CDH4: variants seen among roughly 807,000 people sequenced by gnomAD.
CDH4 encodes the protein cadherin-4.
In CDH4, 33 loss-of-function variants were observed where a neutral mutation model predicts 86.0. The ratio of observed to expected loss-of-function variants is 0.38; its 90% CI spans 0.29 to 0.51. CDH4 has a LOEUF of 0.51. Among genes scored for constraint, CDH4 ranks in the 20% least tolerant of loss-of-function variants. The probability of loss-of-function intolerance (pLI) is 0.86; values close to 1 mark genes in which losing one functional copy is unlikely to be tolerated. For missense variants in CDH4, 1,114 were observed against 1,307.4 expected (o/e 0.85, Z 2.28); for synonymous variants, 555 against 549.4 (o/e 1.01, Z -0.14).
At chr20:61,875,937 AAC>A (rs34781850) in intron 7 of CDH4, among the ~76,000 whole-genome samples, 87,024 of 151,062 alleles carry the variant, frequency 0.58, 25,569 homozygotes, top group Non-Finnish European at 0.61. Context: ...GCGCTCCCCC[AAC>A]ACACACACAC....
At chr20:61,477,373 T>G (rs2085543561) in intron 2 of CDH4, among the ~76,000 whole-genome samples, 1 of 152,142 alleles carries the variant, frequency 6.6e-6, no homozygotes, top group African/African-American at 2.4e-5. Flanking sequence ...ACGATGATGG[T>G]CAGGAACATA....
chr20:61,390,359 G>A lies in CDH4; in HGVS notation c.169+135422G>A, dbSNP rs1406084592. On this transcript the variant is annotated intron_variant, in intron 2 of 15. Coordinates refer to ENST00000614565, the MANE Select transcript of CDH4 (RefSeq NM_001794.5). Reference sequence around the variant, plus strand: ...ACCATGTCTAGGAAACCCCGATTGGGTTCGTACAGTCATAGGTTGCCCATA... The same window carrying A: ...ACCATGTCTAGGAAACCCCGATTGGATTCGTACAGTCATAGGTTGCCCATA... 6.0e-4 allele frequency among the ~76,000 whole-genome samples: 78 copies of A among 130,196 alleles called. 1 individual carries two copies. Among genetic ancestry groups the A allele is most frequent in the Non-Finnish European group, 4.8e-5 (3 of 61,966 alleles). The allele number at this position is 130,196 out of a possible 152,430, so 85.4% of individuals were successfully genotyped here. A position where few individuals can be genotyped will look rare whatever the true frequency, so the allele number is the denominator to read the frequency against.
intron 2 of CDH4, among the ~76,000 whole-genome samples, chr20:61,486,004 G>T (rs975778347): frequency 4.6e-5 from 7 of 152,204 alleles, no homozygotes; most frequent in Admixed American, 2.6e-4. Context: ...TTACTGGATT[G>T]GGGTGCCAGA....
At chr20:61,595,617 T>C (rs376353587) in intron 2 of CDH4, among the ~76,000 whole-genome samples, 2 of 152,250 alleles carry the variant, frequency 1.3e-5, no homozygotes, top group East Asian at 3.8e-4. Flanking sequence ...AAAATGTTTT[T>C]GTTGATTCTT....
chr20:61,713,543 G>A (rs1056589992), intron 2 of CDH4, among the ~76,000 whole-genome samples: 4 of 152,232 alleles, frequency 2.6e-5, no homozygotes, highest in Admixed American at 2.0e-4. Flanking sequence ...ACGGAGAGCC[G>A]TCTCCTCTGC....
chr20:61,363,332 T>C (rs2123322775), intron 2 of CDH4, among the ~76,000 whole-genome samples: 1 of 152,282 alleles, frequency 6.6e-6, no homozygotes, highest in Non-Finnish European at 1.5e-5. Flanking sequence ...GTTTGGGGGA[T>C]ATAACGGCCA....
intron 2 of CDH4, among the ~76,000 whole-genome samples, chr20:61,701,960 G>A (rs1446103543): frequency 6.6e-6 from 1 of 152,170 alleles, no homozygotes; most frequent in African/African-American, 2.4e-5. Flanking sequence ...GTGAAGCCTC[G>A]TCCTCCTCCT....
At chr20:61,707,130 A>G (rs1478455304) in intron 2 of CDH4, among the ~76,000 whole-genome samples, 1 of 152,234 alleles carries the variant, frequency 6.6e-6, no homozygotes, top group Non-Finnish European at 1.5e-5. Flanking sequence ...CCATGTCTGG[A>G]CAGAGTGCCG....
intron 2 of CDH4, among the ~76,000 whole-genome samples, chr20:61,473,048 A>G (rs1006324780): frequency 2.6e-5 from 4 of 152,138 alleles, no homozygotes; most frequent in Non-Finnish European, 5.9e-5. Context: ...CCTGATTCCT[A>G]GTCTTTGCCA....
chr20:61,898,416 G>A (rs1647197163), intron 8 of CDH4, among the ~76,000 whole-genome samples: 2 of 152,240 alleles, frequency 1.3e-5, no homozygotes, highest in Non-Finnish European at 2.9e-5. Context: ...CAGCAGGTGA[G>A]CATGGGGTCT....
Position 61,582,451 on chromosome 20 carries a change from C to T in CDH4, c.170-161112C>T, listed in dbSNP as rs1459882880. On this transcript the variant is annotated intron_variant, in intron 2 of 15. Transcript: ENST00000614565. This position sits in a 1 kb window ranked among gnomAD's most constrained non-coding sequence, Gnocchi z 4.2. ...TCTCAGAACCATCCCATGTGCCTGT[C>T]CCTGTGGCCCTGGGCTCCAGGCTAA... Among the ~76,000 whole-genome samples the T allele has an allele frequency of 6.6e-6, 1 of 152,246 alleles. No homozygotes were observed. The highest frequency in any genetic ancestry group is 1.9e-4 in the East Asian group (1 of 5,188).
In CDH4 at chr20:61,695,531, G is replaced by A. The variant is rs910271186; in HGVS notation, c.170-48032G>A. 9.8e-5 allele frequency among the ~76,000 whole-genome samples: 15 copies of A among 152,304 alleles called. No individual in the cohort carries two copies. In the East Asian group the frequency reaches 1.4e-3, roughly 14 times the overall value. On this transcript the variant is annotated intron_variant, in intron 2 of 15. Transcript: ENST00000614565. ...GATCACCACAGAGAGGGCATGTCTCGCTCTGGGTCTAGCCACAGAGGAATC... is the reference window on the plus strand; with the variant it reads ...GATCACCACAGAGAGGGCATGTCTCACTCTGGGTCTAGCCACAGAGGAATC...
intron 4 of CDH4, 59 bp from the exon 5 acceptor site, chr20:61,844,609 G>A (rs951381831): frequency 3.6e-5 from 55 of 1,515,404 alleles, no homozygotes; most frequent in Non-Finnish European, 4.6e-5. Flanking sequence ...GTCAGAGATC[G>A]GCCCCGGGCC....
At chr20:61,423,110 G>T (rs934442764) in intron 2 of CDH4, among the ~76,000 whole-genome samples, 2 of 152,110 alleles carry the variant, frequency 1.3e-5, no homozygotes, top group Non-Finnish European at 2.9e-5. Context: ...TGTACCTCGG[G>T]GCAGGGCAGA....
intron 2 of CDH4, among the ~76,000 whole-genome samples, chr20:61,464,350 TAAAG>T (rs950033428): frequency 3.3e-5 from 5 of 152,130 alleles, no homozygotes; most frequent in Non-Finnish European, 7.3e-5. Context: ...AGATTGAACA[TAAAG>T]AGTGAGTGTT....
intron 3 of CDH4, among the ~76,000 whole-genome samples, chr20:61,748,322 G>A (rs1055963545): frequency 7.9e-5 from 12 of 152,098 alleles, no homozygotes; most frequent in Non-Finnish European, 1.6e-4. Context: ...TAGTAGAGAT[G>A]GGGTTTCACC....
chr20:61,636,570 C>T (rs1003166098), intron 2 of CDH4, among the ~76,000 whole-genome samples: 2 of 152,258 alleles, frequency 1.3e-5, no homozygotes, highest in African/African-American at 2.4e-5. Context: ...CTGAGCCCAG[C>T]GAGCGTGGCC....
chr20:61,585,997 A>ATGATGG (rs1555811240), intron 2 of CDH4, among the ~76,000 whole-genome samples: 1 of 136,814 alleles, frequency 7.3e-6, no homozygotes, highest in South Asian at 2.7e-4. Context: ...GGTGATGATG[A>ATGATGG]TGATGGTGAT....
At chr20:61,873,987 G>C in intron 7 of CDH4, 87 bp downstream of exon 7, 1 of 1,421,212 alleles carries the variant, frequency 7.0e-7, no homozygotes, top group East Asian at 2.3e-5. Context: ...CCTCTCCAGT[G>C]GCGCCGTCGG....
Sources: gnomAD v4.1 joint callset for allele counts (sites outside exome capture counted in the v4.1 genomes callset) on GRCh38, gnomAD v4.1.1 for gene constraint, Gnocchi (gnomAD v3.1) non-coding constraint, MANE v1.5 for transcripts, NCBI Gene and HGNC (gene_info 2026-07-23, HGNC 2026-07-21) for gene names.